The following PANK4 variants were observed in gnomAD, a reference collection of about 807,000 sequenced individuals.
The protein encoded by PANK4 is 4'-phosphopantetheine phosphatase.
Under a neutral mutation model 87.9 loss-of-function variants are expected in PANK4, and 40 were observed. The observed-to-expected ratio is 0.46, with a 90% CI of 0.35 to 0.59. The LOEUF (loss-of-function observed/expected upper bound fraction) is 0.59. Ranked by LOEUF, PANK4 falls within the 20% of genes least tolerant of loss-of-function variation. The pLI is 0.00. For missense variants in PANK4, 926 were observed against 1,072.3 expected (o/e 0.86, Z 1.90); for synonymous variants, 524 against 467.4 (o/e 1.12, Z -1.56).
In PANK4 at chr1:2,510,108, C is replaced by T. The variant is rs778787395; in HGVS notation, c.1988G>A (p.Ser663Asn). 8.1e-6 allele frequency: 13 copies of T among 1,611,142 alleles called. No homozygotes were observed. In the South Asian group the frequency reaches 8.8e-5, roughly 11 times the overall value. ...SGPALNDVTH[S>N]ESLIVAERIA... ...ACGCTCTGCCACGATGAGGGACTCG[C>T]TGTGGGTCACGTCGTTCAGGGCGGG... The change falls in exon 17 of 19, where the codon AGC becomes AAC. Residue 663 changes from serine to asparagine, a missense_variant. Physicochemically the swap from Ser to Asn is conservative, Grantham distance 46 (BLOSUM62 1). Coordinates refer to ENST00000378466, the MANE Select transcript of PANK4 (RefSeq NM_018216.4). This position sits in a 1 kb window ranked among gnomAD's most constrained non-coding sequence, Gnocchi z 4.9.
chr1:2,516,964 T>G (rs960193145), intron 9 of PANK4, among the ~76,000 whole-genome samples: 2 of 152,258 alleles, frequency 1.3e-5, no homozygotes, highest in African/African-American at 2.4e-5. Context: ...CTGGCAGGGC[T>G]GTGCCACTGG....
intron 2 of PANK4, 138 bp from the exon 3 acceptor site, chr1:2,521,453 G>A (rs1643874640): frequency 1.3e-6 from 1 of 794,412 alleles, no homozygotes; most frequent in Non-Finnish European, 2.1e-6. Flanking sequence ...TCCTGGGCAA[G>A]AGGGAGGAGC....
rs954260064 is a variant in PANK4, at chr1:2,520,195, G to A, written c.699+127C>T. 4.2e-5 allele frequency: 37 copies of A among 890,456 alleles called. No individual in the cohort carries two copies. In the East Asian group the frequency reaches 9.2e-4, roughly 22 times the overall value. 55.2% of individuals were successfully genotyped at this position (890,456 alleles called of 1,614,324 possible). On this transcript the variant is annotated intron_variant, in intron 5 of 18. Coordinates refer to ENST00000378466, the MANE Select transcript of PANK4 (RefSeq NM_018216.4). The surrounding 1 kb of genome is among the most constrained non-coding windows in gnomAD (Gnocchi z 6.2). ...AAAGAGTGAAGCCGCAGAGGCCAGA[G>A]ACCCACTGACGCGAGTCAGGAGGGA...
At chr1:2,516,033 A>C in intron 9 of PANK4, 1 of 438,436 alleles carries the variant, frequency 2.3e-6, no homozygotes, top group Non-Finnish European at 4.2e-6. Flanking sequence ...CCCCTCCTCC[A>C]CCATCCCTAT....
Position 2,510,533 on chromosome 1 carries a change from G to A in PANK4, c.1938+145C>T. ...CTCCACCCCAGCAGATGACGGCTCT[G>A]GGCCGCCTCCCCCGTGCTGCTGCCT... is the stretch of plus-strand genomic sequence containing the variant. On this transcript the variant is annotated intron_variant, in intron 16 of 18. Transcript: ENST00000378466. This position sits in a 1 kb window ranked among gnomAD's most constrained non-coding sequence, Gnocchi z 4.9. The A allele has an allele frequency of 1.5e-6, 1 of 658,654 alleles. No individual in the cohort carries two copies. The highest frequency in any genetic ancestry group is 2.7e-6 in the Non-Finnish European group (1 of 369,218). 40.8% of individuals were successfully genotyped at this position (658,654 alleles called of 1,614,324 possible). A position where few individuals can be genotyped will look rare whatever the true frequency, so the allele number is the denominator to read the frequency against.
chr1:2,516,242 C>T (rs1476760649), intron 9 of PANK4, among the ~76,000 whole-genome samples: 2 of 152,164 alleles, frequency 1.3e-5, no homozygotes, highest in African/African-American at 2.4e-5. Flanking sequence ...GGCAGGGAGT[C>T]CCCACGCCCC....
Position 2,518,238 on chromosome 1 carries a change from T to A in PANK4, c.1144A>T (p.Asn382Tyr). Residue 382 changes from asparagine (N) to tyrosine (Y), a missense_variant, in exon 9 of 19, where the codon AAC becomes TAC. Asn to Tyr is a moderately radical substitution (Grantham distance 143). Transcript: ENST00000378466. The stretch of plus-strand genomic sequence containing the variant: ...ATCAGCCCGGAGCTGCCTGCATAGT[T>A]CTCTCCCCAGCTGTACTGGTTAGGA... ...DNPNQYSWGENYAGSSGLMSA... is the reference protein window; with the variant it reads ...DNPNQYSWGEYYAGSSGLMSA... 1 of 1,611,916 alleles carries A rather than the reference T, an allele frequency of 6.2e-7. No individual in the cohort carries two copies. Among genetic ancestry groups the A allele is most frequent in the Admixed American group, 1.7e-5 (1 of 59,978 alleles).
At position 2,509,723 on chromosome 1, in the gene PANK4, G is replaced by T. The variant is rs774043647; in HGVS notation, c.2108+139C>A. The T allele has an allele frequency of 2.9e-5, 21 of 724,180 alleles. No individual in the cohort carries two copies. Among genetic ancestry groups the T allele is most frequent in the Non-Finnish European group, 4.8e-5 (20 of 412,856 alleles). The allele number at this position is 724,180 out of a possible 1,614,324, so 44.9% of individuals were successfully genotyped here. A position where few individuals can be genotyped will look rare whatever the true frequency, so the allele number is the denominator to read the frequency against. On this transcript the variant is annotated intron_variant, in intron 18 of 18. Transcript: ENST00000378466. The surrounding 1 kb of genome is among the most constrained non-coding windows in gnomAD (Gnocchi z 4.9). ...GGATGGCATATCTGTCCCCTCCTGA[G>T]ATCAATCCGGGCCTGGGGTCAGGAG...
Position 2,515,161 on chromosome 1 carries a change from GAGT to G in PANK4, c.1374+398_1374+400del. On this transcript the variant is annotated intron_variant, in intron 10 of 18. Coordinates refer to ENST00000378466, the MANE Select transcript of PANK4 (RefSeq NM_018216.4). This position sits in a 1 kb window ranked among gnomAD's most constrained non-coding sequence, Gnocchi z 5.0. ...CAGCCTTGGAGAAGGTGGGACGCAG[GAGT>G]CCCAAGGTGGCCTCGCCGGGAGCTT... 2 of 386,470 alleles carry G rather than the reference GAGT, an allele frequency of 5.2e-6. No homozygotes were observed. The highest frequency in any genetic ancestry group is 4.0e-5 in the South Asian group (2 of 50,598). The allele number at this position is 386,470 out of a possible 1,614,324, so 23.9% of individuals were successfully genotyped here.
At position 2,515,484 on chromosome 1, in the gene PANK4, T is replaced by C. The variant is rs1643753507; in HGVS notation, c.1374+78A>G. On this transcript the variant is annotated intron_variant, in intron 10 of 18. Transcript: ENST00000378466. The surrounding 1 kb of genome is among the most constrained non-coding windows in gnomAD (Gnocchi z 5.0). ...ACTGGCCTGTCCCCCTTCGCCACCT[T>C]GGCTTTGCCCCCGGAGCCTTGGAAG... 3 of 1,498,806 alleles carry C rather than the reference T, an allele frequency of 2.0e-6. No homozygotes were observed. Among genetic ancestry groups the C allele is most frequent in the South Asian group, 1.1e-5 (1 of 88,764 alleles). 92.8% of individuals were successfully genotyped at this position (1,498,806 alleles called of 1,614,324 possible).
In PANK4 at chr1:2,513,428, G is replaced by A. The variant is rs546039314; in HGVS notation, c.1576-389C>T. Among the ~76,000 whole-genome samples, 112 of 152,376 alleles carry A rather than the reference G, an allele frequency of 7.4e-4. 1 individual carries two copies. The highest frequency in any genetic ancestry group is 2.6e-3 in the African/African-American group (107 of 41,594). On this transcript the variant is annotated intron_variant, in intron 12 of 18. Coordinates refer to ENST00000378466, the MANE Select transcript of PANK4 (RefSeq NM_018216.4). ...GCCCTTCCCAGAAGAGGTGGGAGGA[G>A]TCCATGCCTCCGCTGCTGCCCGCTG...
intron 10 of PANK4, 23 bp from the exon 11 acceptor site, chr1:2,514,489 G>A (rs749017862): frequency 2.7e-5 from 39 of 1,457,980 alleles, no homozygotes; most frequent in Non-Finnish European, 3.3e-5. Flanking sequence ...GAAGGAGGGG[G>A]TTAGTCAAGC....
intron 1 of PANK4, among the ~76,000 whole-genome samples, chr1:2,524,410 C>G (rs561153520): frequency 6.6e-6 from 1 of 152,184 alleles, no homozygotes; most frequent in Non-Finnish European, 1.5e-5. Flanking sequence ...CCCAGCAGCT[C>G]GGTCAGGAGT....
chr1:2,515,771 A>C lies in PANK4; in HGVS notation c.1219-54T>G. ...ACGTCACCATGGTTCAGAACGACCC[A>C]AGCCACACTCAGAAGCTTCCACTCT... On this transcript the variant is annotated intron_variant, in intron 9 of 18. Transcript: ENST00000378466. This position sits in a 1 kb window ranked among gnomAD's most constrained non-coding sequence, Gnocchi z 5.0. The C allele has an allele frequency of 1.3e-6, 2 of 1,530,756 alleles. No individual in the cohort carries two copies. The highest frequency in any genetic ancestry group is 1.8e-6 in the Non-Finnish European group (2 of 1,116,346). The allele number at this position is 1,530,756 out of a possible 1,614,324, so 94.8% of individuals were successfully genotyped here.
chr1:2,509,699 G>A lies in PANK4; in HGVS notation c.2108+163C>T. On this transcript the variant is annotated intron_variant, in intron 18 of 18. Transcript: ENST00000378466. This position sits in a 1 kb window ranked among gnomAD's most constrained non-coding sequence, Gnocchi z 4.9. ...TCACCCTCCCCAGGCCACCTTCGGG[G>A]ATGGCATATCTGTCCCCTCCTGAGA... is the stretch of plus-strand genomic sequence containing the variant. 1.5e-6 allele frequency: 1 copy of A among 651,648 alleles called. No homozygotes were observed. The highest frequency in any genetic ancestry group is 2.7e-5 in the East Asian group (1 of 36,636). The allele number at this position is 651,648 out of a possible 1,614,324, so 40.4% of individuals were successfully genotyped here.
In PANK4 at chr1:2,519,848, C is replaced by A; in HGVS notation, c.806G>T (p.Gly269Val). 6.3e-7 allele frequency: 1 copy of A among 1,575,112 alleles called. No homozygotes were observed. The highest frequency in any genetic ancestry group is 2.3e-5 in the East Asian group (1 of 42,846). Residue 269 changes from glycine to valine, a missense_variant, in exon 6 of 19, where the codon GGG becomes GTG. Transcript: ENST00000378466. This position sits in a 1 kb window ranked among gnomAD's most constrained non-coding sequence, Gnocchi z 8.3. ...GGAHQTLGLSGNLIASSFGKS... is the reference protein window; with the variant it reads ...GGAHQTLGLSVNLIASSFGKS... ...CCCGAAGCTGCTGGCGATGAGGTTC[C>A]CGCTCAGCCCGAGAGTCTGGTGGGC...
Position 2,514,142 on chromosome 1 carries a change from C to A in PANK4, c.1488-53G>T, listed in dbSNP as rs1266496098. The A allele has an allele frequency of 2.1e-6, 3 of 1,442,848 alleles. No homozygotes were observed. The African/African-American group carries it at 4.2e-5, about 20-fold the overall frequency. The allele number at this position is 1,442,848 out of a possible 1,614,324, so 89.4% of individuals were successfully genotyped here. A position where few individuals can be genotyped will look rare whatever the true frequency, so the allele number is the denominator to read the frequency against. The stretch of plus-strand genomic sequence containing the variant: ...GAGCAGGGCAGGCCGAACACCCGCC[C>A]GTCTGCCATCCTCGGCTGTGCCACG... On this transcript the variant is annotated intron_variant, in intron 11 of 18. Coordinates refer to ENST00000378466, the MANE Select transcript of PANK4 (RefSeq NM_018216.4).
intron 8 of PANK4, 86 bp from the exon 9 acceptor site, chr1:2,518,350 G>T: frequency 3.8e-6 from 4 of 1,042,050 alleles, no homozygotes; most frequent in Non-Finnish European, 5.8e-6. Flanking sequence ...GTATAAAATC[G>T]CTTATTAACT....
At position 2,518,272 on chromosome 1, in the gene PANK4, G is replaced by C. The variant is rs3122920; in HGVS notation, c.1118-8C>G. ...AGCTGTACTGGTTAGGATCTGGAAA[G>C]CAAGAAGCCAGGTCACTTGTGTTAA... On this transcript the variant is annotated splice_region_variant and splice_polypyrimidine_tract_variant and intron_variant, in intron 8 of 18. Coordinates refer to ENST00000378466, the MANE Select transcript of PANK4 (RefSeq NM_018216.4). The C allele has an allele frequency of 6.3e-7, 1 of 1,598,384 alleles. No individual in the cohort carries two copies. Among genetic ancestry groups the C allele is most frequent in the South Asian group, 1.1e-5 (1 of 90,396 alleles).
Sources: gnomAD v4.1 joint callset for allele counts (sites outside exome capture counted in the v4.1 genomes callset) on GRCh38, gnomAD v4.1.1 for gene constraint, Gnocchi (gnomAD v3.1) non-coding constraint, MANE v1.5 for transcripts, NCBI Gene and HGNC (gene_info 2026-07-23, HGNC 2026-07-21) for gene names.